The following LETM1 variants were observed in gnomAD, a reference collection of about 807,000 sequenced individuals.
LETM1 encodes the protein mitochondrial proton/calcium exchanger protein.
A neutral mutation model predicts 74.5 loss-of-function variants in LETM1; 50 were observed. That is an observed-to-expected ratio of 0.67 (90% CI 0.53 to 0.85). The LOEUF (loss-of-function observed/expected upper bound fraction) is 0.85. Among genes scored for constraint, LETM1 ranks in the 40% least tolerant of loss-of-function variants. LETM1 has a pLI of 0.00. For synonymous variants in LETM1, 446 were observed against 407.1 expected (o/e 1.10, Z -1.15); for missense variants, 824 against 967.8 (o/e 0.85, Z 1.97).
intron 2 of LETM1, among the ~76,000 whole-genome samples, chr4:1,845,626 C>A (rs564409381): frequency 3.3e-5 from 5 of 150,876 alleles, no homozygotes; most frequent in Non-Finnish European, 7.4e-5. Flanking sequence ...GGGCTCACTG[C>A]AACCTCCACC....
chr4:1,847,696 C>T (rs1712930208), intron 2 of LETM1, among the ~76,000 whole-genome samples: 1 of 151,668 alleles, frequency 6.6e-6, no homozygotes, highest in African/African-American at 2.4e-5. Flanking sequence ...GTGGTGGCGG[C>T]GTCTCTAATC....
At position 1,836,406 on chromosome 4, in the gene LETM1, A is replaced by G. The variant is rs567441702; in HGVS notation, c.738+23T>C. 1.9e-6 allele frequency: 3 copies of G among 1,612,764 alleles called. No homozygotes were observed. In the African/African-American group the frequency reaches 4.0e-5, roughly 22 times the overall value. On this transcript the variant is annotated intron_variant, in intron 4 of 13. Coordinates refer to ENST00000302787, the MANE Select transcript of LETM1 (RefSeq NM_012318.3). This position sits in a 1 kb window ranked among gnomAD's most constrained non-coding sequence, Gnocchi z 5.8. ...TGAATTTCAGACTCATTCTAAAACAAGCAGTTGGGATGCTGCCCTTACCTT... is the reference window on the plus strand; with the variant it reads ...TGAATTTCAGACTCATTCTAAAACAGGCAGTTGGGATGCTGCCCTTACCTT...
chr4:1,832,439 AT>A (rs1309814582), intron 6 of LETM1, among the ~76,000 whole-genome samples: 1 of 152,206 alleles, frequency 6.6e-6, no homozygotes. Flanking sequence ...GAAGACCCTG[AT>A]GTGAGGAGAG....
chr4:1,819,615 G>A (rs562457247), intron 10 of LETM1, 143 bp from the exon 11 acceptor site: 26 of 931,494 alleles, frequency 2.8e-5, no homozygotes, highest in Middle Eastern at 2.3e-4. Flanking sequence ...CAAGAGACCC[G>A]CGGGGTTCAG....
Position 1,855,930 on chromosome 4 carries a change from C to T in LETM1, c.21G>A (p.Arg7=). ...GGGCGGGCGCCCGGCCGCGGCAGCT[C>T]CTCAGTAAGATGGACGCCATGTGCT... The part of the protein sequence containing the change: MASILL[R]SCRGRAPARL... The change falls in exon 1 of 14, where the codon AGG becomes AGA. Residue 7 remains arginine, a synonymous_variant. Transcript: ENST00000302787. 8.1e-7 allele frequency: 1 copy of T among 1,235,896 alleles called. No individual in the cohort carries two copies. The highest frequency in any genetic ancestry group is 1.0e-6 in the Non-Finnish European group (1 of 992,354). 76.6% of individuals were successfully genotyped at this position (1,235,896 alleles called of 1,614,324 possible).
At chr4:1,818,008 G>A (rs1711632891) in intron 11 of LETM1, among the ~76,000 whole-genome samples, 1 of 152,188 alleles carries the variant, frequency 6.6e-6, no homozygotes, top group African/African-American at 2.4e-5. Context: ...TCAAACTCCT[G>A]AGCTCAAGTG....
At chr4:1,817,419 G>A (rs985325093) in intron 11 of LETM1, among the ~76,000 whole-genome samples, 3 of 151,868 alleles carry the variant, frequency 2.0e-5, no homozygotes, top group African/African-American at 7.3e-5. Context: ...AAATTAGCCA[G>A]GCGTGGTGGT....
At chr4:1,825,497 T>A in intron 7 of LETM1, 67 bp downstream of exon 7, 1 of 1,559,110 alleles carries the variant, frequency 6.4e-7, no homozygotes, top group South Asian at 1.2e-5. Flanking sequence ...AGCCTCCGAG[T>A]GGCCTTTCGA....
At chr4:1,816,618 G>A in intron 12 of LETM1, 109 bp downstream of exon 12, 1 of 1,055,286 alleles carries the variant, frequency 9.5e-7, no homozygotes, top group South Asian at 1.5e-5. Flanking sequence ...CCAGGCAGAG[G>A]CTACAATGTG....
chr4:1,853,067 G>C (rs553617480), intron 1 of LETM1, among the ~76,000 whole-genome samples: 38 of 152,154 alleles, frequency 2.5e-4, no homozygotes, highest in African/African-American at 8.9e-4. Context: ...AGGTCTGATG[G>C]GCACGGCACA....
chr4:1,836,147 G>A lies in LETM1; in HGVS notation c.738+282C>T, dbSNP rs1287338493. 6.6e-6 allele frequency among the ~76,000 whole-genome samples: 1 copy of A among 151,284 alleles called. No homozygotes were observed. Among genetic ancestry groups the A allele is most frequent in the Non-Finnish European group, 1.5e-5 (1 of 67,802 alleles). On this transcript the variant is annotated intron_variant, in intron 4 of 13. Transcript: ENST00000302787. This position sits in a 1 kb window ranked among gnomAD's most constrained non-coding sequence, Gnocchi z 5.8. ...GAGATTCGCTTGAACCCGGGAGGCAGAGGTTGTATGCAGTGAGACAAGATC... is the reference window on the plus strand; with the variant it reads ...GAGATTCGCTTGAACCCGGGAGGCAAAGGTTGTATGCAGTGAGACAAGATC...
chr4:1,834,338 T>A lies in LETM1; in HGVS notation c.876+507A>T. 1.0e-6 allele frequency: 1 copy of A among 966,628 alleles called. No individual in the cohort carries two copies. The highest frequency in any genetic ancestry group is 1.2e-6 in the Non-Finnish European group (1 of 812,454). 59.9% of individuals were successfully genotyped at this position (966,628 alleles called of 1,614,324 possible). A position where few individuals can be genotyped will look rare whatever the true frequency, so the allele number is the denominator to read the frequency against. On this transcript the variant is annotated intron_variant, in intron 5 of 13. Coordinates refer to ENST00000302787, the MANE Select transcript of LETM1 (RefSeq NM_012318.3). This position sits in a 1 kb window ranked among gnomAD's most constrained non-coding sequence, Gnocchi z 5.0. ...TCTAGTCCTCAGGGATCTCGGTCCG[T>A]GGCAGCTGCCGTCTCCCCATCCTCA...
chr4:1,855,901 A>G lies in LETM1; in HGVS notation c.50T>C (p.Leu17Pro), dbSNP rs2108860513. The G allele has an allele frequency of 1.6e-6, 2 of 1,238,992 alleles. No homozygotes were observed. The highest frequency in any genetic ancestry group is 4.2e-5 in the Admixed American group (1 of 23,594). 76.7% of individuals were successfully genotyped at this position (1,238,992 alleles called of 1,614,324 possible). Residue 17 changes from leucine to proline, a missense_variant, in exon 1 of 14, where the codon CTC becomes CCC. Leu to Pro is a moderately conservative substitution (Grantham distance 98, BLOSUM62 -3). This residue lies in a region of LETM1 where 222 missense variants were observed against 195.6 expected (regional missense o/e 1.14). Coordinates refer to ENST00000302787, the MANE Select transcript of LETM1 (RefSeq NM_012318.3). ...GACGGTGTACCGAGGCGGCGGCGGG[A>G]GGCGGGCGGGCGCCCGGCCGCGGCA... ...RSCRGRAPAR[L>P]PPPPRYTVPR...
Position 1,834,751 on chromosome 4 carries a change from G to C in LETM1, c.876+94C>G. The C allele has an allele frequency of 6.4e-7, 1 of 1,552,374 alleles. No homozygotes were observed. ...CTTTCAAGCGCCAGCCAGCACCTGG[G>C]GGAGCTCCACTCTGCTGAGCACAGC... On this transcript the variant is annotated intron_variant, in intron 5 of 13. Coordinates refer to ENST00000302787, the MANE Select transcript of LETM1 (RefSeq NM_012318.3). The surrounding 1 kb of genome is among the most constrained non-coding windows in gnomAD (Gnocchi z 5.0).
At chr4:1,828,297 C>G (rs1712090012) in intron 6 of LETM1, among the ~76,000 whole-genome samples, 2 of 133,832 alleles carry the variant, frequency 1.5e-5, no homozygotes, top group Non-Finnish European at 3.2e-5. Context: ...CACCTCCCTC[C>G]CGGACGGGGC....
At position 1,854,654 on chromosome 4, in the gene LETM1, G is replaced by C. The variant is rs185656073; in HGVS notation, c.82+1215C>G. On this transcript the variant is annotated intron_variant, in intron 1 of 13. Coordinates refer to ENST00000302787, the MANE Select transcript of LETM1 (RefSeq NM_012318.3). ...CTAAAAATACAAAAATTAGCCAGTC[G>C]TGATGGCGGGTGCCTATAATTCCAG... 2.0e-5 allele frequency among the ~76,000 whole-genome samples: 3 copies of C among 152,074 alleles called. No individual in the cohort carries two copies. In the East Asian group the frequency reaches 5.8e-4, roughly 29 times the overall value.
chr4:1,854,515 C>A (rs1411112446), intron 1 of LETM1, among the ~76,000 whole-genome samples: 2 of 150,842 alleles, frequency 1.3e-5, no homozygotes, highest in Admixed American at 1.3e-4. Context: ...AATTGGGGGC[C>A]GGGCGCGGTG....
intron 13 of LETM1, among the ~76,000 whole-genome samples, chr4:1,815,311 G>A (rs1391153149): frequency 6.6e-6 from 1 of 152,154 alleles, no homozygotes; most frequent in Non-Finnish European, 1.5e-5. Flanking sequence ...GGTGTGAAGT[G>A]CCCCCAGGCT....
Position 1,834,844 on chromosome 4 carries a change from C to T in LETM1, c.876+1G>A. 6.2e-7 allele frequency: 1 copy of T among 1,614,040 alleles called. No individual in the cohort carries two copies. Among genetic ancestry groups the T allele is most frequent in the Non-Finnish European group, 8.5e-7 (1 of 1,179,944 alleles). ...ACAGGGACTCAGACGTATCACAGCACCTTCTGGAAAAACACAGAGAAGTCT... is the reference window on the plus strand; with the variant it reads ...ACAGGGACTCAGACGTATCACAGCATCTTCTGGAAAAACACAGAGAAGTCT... On this transcript the variant is annotated splice_donor_variant, in intron 5 of 13. Coordinates refer to ENST00000302787, the MANE Select transcript of LETM1 (RefSeq NM_012318.3). LOFTEE classifies it high-confidence loss of function. The surrounding 1 kb of genome is among the most constrained non-coding windows in gnomAD (Gnocchi z 5.0).
Sources: gnomAD v4.1 joint callset for allele counts (sites outside exome capture counted in the v4.1 genomes callset) on GRCh38, gnomAD v4.1.1 for gene constraint, gnomAD v4.1.1 regional missense constraint, Gnocchi (gnomAD v3.1) non-coding constraint, MANE v1.5 for transcripts, NCBI Gene and HGNC (gene_info 2026-07-23, HGNC 2026-07-21) for gene names.